The following GAN variants were observed in gnomAD, a reference collection of about 807,000 sequenced individuals.
The protein encoded by GAN is gigaxonin.
In GAN, 48 loss-of-function variants were observed where a neutral mutation model predicts 71.3. The observed-to-expected ratio is 0.67, with a 90% CI of 0.53 to 0.86. The LOEUF (loss-of-function observed/expected upper bound fraction) is 0.86. GAN is among the 40% of genes least tolerant of loss of function. The pLI is 0.00. For missense variants in GAN, 928 were observed against 770.1 expected (o/e 1.21, Z -2.43); for synonymous variants, 386 against 276.8 (o/e 1.39, Z -3.92).
In GAN at chr16:81,386,580, AT is replaced by A. The variant is rs1485340310; in HGVS notation, c.*8985del. 1 of 152,244 alleles carries A rather than the reference AT, an allele frequency of 6.6e-6. No homozygotes were observed. Among genetic ancestry groups the A allele is most frequent in the Non-Finnish European group, 1.5e-5 (1 of 68,046 alleles). The allele number at this position is 152,244 out of a possible 1,614,324, so 9.4% of individuals were successfully genotyped here. On this transcript the variant is annotated 3_prime_UTR_variant, in exon 11 of 11. Transcript: ENST00000648994. ...TTATGAGACTGGCAGAGGTAGGAGTATATAATGTGCTCAGCTTGTCTTGATT... is the reference window on the plus strand; with the variant it reads ...TTATGAGACTGGCAGAGGTAGGAGTAATAATGTGCTCAGCTTGTCTTGATT...
intron 1 of GAN, among the ~76,000 whole-genome samples, chr16:81,343,638 A>G (rs902161619): frequency 6.6e-6 from 1 of 152,236 alleles, no homozygotes; most frequent in African/African-American, 2.4e-5. Flanking sequence ...AGACCTATTT[A>G]CGACAAACCC....
chr16:81,354,665 G>T lies in GAN; in HGVS notation c.543G>T (p.Val181=), dbSNP rs1910426450. 1 of 1,613,436 alleles carries T rather than the reference G, an allele frequency of 6.2e-7. No homozygotes were observed. The highest frequency in any genetic ancestry group is 8.5e-7 in the Non-Finnish European group (1 of 1,179,468). ...LELSPQKLKE[V]ISLEKLNVGN... is the part of the protein sequence containing the mutation. ...TGAGTCCTCAAAAGCTTAAAGAAGT[G>T]ATTTCTCTTGAGAAGTTAAACGTTG... The change falls in exon 3 of 11, where the codon GTG becomes GTT. Residue 181 remains valine (V), a synonymous_variant. Transcript: ENST00000648994.
chr16:81,364,304 C>G (rs980416465), intron 7 of GAN, among the ~76,000 whole-genome samples: 3 of 152,212 alleles, frequency 2.0e-5, no homozygotes, highest in African/African-American at 7.2e-5. Flanking sequence ...GGGTCTTACT[C>G]TGTTGCCCAG....
At position 81,388,489 on chromosome 16, in the gene GAN, C is replaced by T. The variant is rs547712375; in HGVS notation, c.*10893C>T. ...TCTGAGGCACCGCCAAGGACACATCCCAGCGCCTTAGGCACCTGTAGGCTA... is the reference window on the plus strand; with the variant it reads ...TCTGAGGCACCGCCAAGGACACATCTCAGCGCCTTAGGCACCTGTAGGCTA... On this transcript the variant is annotated 3_prime_UTR_variant, in exon 11 of 11. Coordinates refer to ENST00000648994, the MANE Select transcript of GAN (RefSeq NM_022041.4). The T allele has an allele frequency of 6.6e-6, 1 of 152,458 alleles. No individual in the cohort carries two copies. The highest frequency in any genetic ancestry group is 1.9e-4 in the East Asian group (1 of 5,202). 9.4% of individuals were successfully genotyped at this position (152,458 alleles called of 1,614,324 possible).
At chr16:81,368,479 C>T (rs564815468) in intron 9 of GAN, among the ~76,000 whole-genome samples, 6 of 152,268 alleles carry the variant, frequency 3.9e-5, no homozygotes, top group South Asian at 2.1e-4. Flanking sequence ...TGGTAGTCCA[C>T]GCCTGTGGTC....
At chr16:81,348,218 T>A (rs1465030979) in intron 1 of GAN, among the ~76,000 whole-genome samples, 5 of 152,256 alleles carry the variant, frequency 3.3e-5, no homozygotes, top group South Asian at 4.1e-4. Flanking sequence ...ACCCTACATT[T>A]AAAAAAATTT....
At chr16:81,362,690 A>C in intron 6 of GAN, 79 bp downstream of exon 6, 1 of 854,028 alleles carries the variant, frequency 1.2e-6, no homozygotes. Flanking sequence ...GTCTGAGTTC[A>C]GGGAAGAAAC....
At chr16:81,334,994 TTA>T (rs1471530620) in intron 1 of GAN, among the ~76,000 whole-genome samples, 1 of 152,124 alleles carries the variant, frequency 6.6e-6, no homozygotes, top group East Asian at 1.9e-4. Flanking sequence ...CAAATGCGTC[TTA>T]TTAGATGGTG....
chr16:81,368,415 A>T (rs1335615922), intron 9 of GAN, among the ~76,000 whole-genome samples: 1 of 152,244 alleles, frequency 6.6e-6, no homozygotes, highest in East Asian at 1.9e-4. Context: ...CCTGAGTAAC[A>T]TAGTGAGACC....
intron 1 of GAN, among the ~76,000 whole-genome samples, chr16:81,339,768 C>G (rs1909880892): frequency 6.6e-6 from 1 of 152,042 alleles, no homozygotes; most frequent in African/African-American, 2.4e-5. Flanking sequence ...GAACAGCTGG[C>G]ATTACAACTG....
Position 81,363,846 on chromosome 16 carries a change from G to A in GAN, c.1139G>A (p.Gly380Glu). 1 of 1,612,652 alleles carries A rather than the reference G, an allele frequency of 6.2e-7. No individual in the cohort carries two copies. The highest frequency in any genetic ancestry group is 8.5e-7 in the Non-Finnish European group (1 of 1,178,650). ...VEIDGMLYIL[G>E]GEDGEKELIS... ...ATAGATGGGATGCTGTACATTTTGG[G>A]AGGAGAGGATGGTGAAAAGGAGCTG... is the stretch of plus-strand genomic sequence containing the variant. The change falls in exon 7 of 11, where the codon GGA becomes GAA. Residue 380 changes from glycine (G) to glutamate (E), a missense_variant. Transcript: ENST00000648994.
chr16:81,347,660 T>A (rs1366823194), intron 1 of GAN, among the ~76,000 whole-genome samples: 12 of 152,234 alleles, frequency 7.9e-5, no homozygotes, highest in Non-Finnish European at 1.5e-5. Context: ...ATAGTTTGGC[T>A]GGTTATAAAA....
At chr16:81,376,423 C>A (rs1041003238) in intron 9 of GAN, among the ~76,000 whole-genome samples, 3 of 150,354 alleles carry the variant, frequency 2.0e-5, no homozygotes, top group Admixed American at 6.6e-5. Flanking sequence ...AGCTCAAGAC[C>A]AGCCTGGGCA....
chr16:81,319,798 C>G (rs1909167413), intron 1 of GAN, among the ~76,000 whole-genome samples: 1 of 152,018 alleles, frequency 6.6e-6, no homozygotes, highest in Non-Finnish European at 1.5e-5. Flanking sequence ...TCATGAGCGA[C>G]TTTTCTGGGC....
rs894498083 is a variant in GAN, at chr16:81,383,020, C to T, written c.*5424C>T. ...TTAGAAACTGGGTTTTGCTCTGTTG[C>T]CCAGGCTGATCTTAAACTCCTGGCC... is the stretch of plus-strand genomic sequence containing the variant. On this transcript the variant is annotated 3_prime_UTR_variant, in exon 11 of 11. Transcript: ENST00000648994. 2.0e-5 allele frequency: 3 copies of T among 151,728 alleles called. No homozygotes were observed. Among genetic ancestry groups the T allele is most frequent in the Admixed American group, 6.6e-5 (1 of 15,212 alleles). The allele number at this position is 151,728 out of a possible 1,614,324, so 9.4% of individuals were successfully genotyped here.
At chr16:81,361,846 C>T (rs1180477555) in intron 5 of GAN, among the ~76,000 whole-genome samples, 1 of 152,118 alleles carries the variant, frequency 6.6e-6, no homozygotes, top group East Asian at 1.9e-4. Context: ...AGACAAATAC[C>T]ACAATGCCCG....
At chr16:81,376,641 T>G (rs1904281971) in intron 9 of GAN, among the ~76,000 whole-genome samples, 1 of 16,348 alleles carries the variant, frequency 6.1e-5, no homozygotes, top group African/African-American at 4.3e-4. Context: ...CATATATGTG[T>G]GTATATATGT....
At position 81,365,123 on chromosome 16, in the gene GAN, G is replaced by A. The variant is rs778600299; in HGVS notation, c.1373+13G>A. The A allele has an allele frequency of 3.7e-6, 6 of 1,612,798 alleles. No individual in the cohort carries two copies. Among genetic ancestry groups the A allele is most frequent in the Non-Finnish European group, 4.2e-6 (5 of 1,179,388 alleles). On this transcript the variant is annotated intron_variant, in intron 8 of 10. Coordinates refer to ENST00000648994, the MANE Select transcript of GAN (RefSeq NM_022041.4). ...TAAAAGAGAGGAGGTACGTGGCTGTGGGGTGGACTTTGTAGATTCCCTTGC... is the reference window on the plus strand; with the variant it reads ...TAAAAGAGAGGAGGTACGTGGCTGTAGGGTGGACTTTGTAGATTCCCTTGC...
chr16:81,390,082 G>A lies in GAN; in HGVS notation c.*12486G>A, dbSNP rs1229167614. ...ATATTCAGTGAAGATTGTATTGTGT[G>A]TGATATTATCCTATCTTTAATAAAG... On this transcript the variant is annotated 3_prime_UTR_variant, in exon 11 of 11. Transcript: ENST00000648994. 2 of 152,108 alleles carry A rather than the reference G, an allele frequency of 1.3e-5. No homozygotes were observed. Among genetic ancestry groups the A allele is most frequent in the Non-Finnish European group, 2.9e-5 (2 of 68,022 alleles). 9.4% of individuals were successfully genotyped at this position (152,108 alleles called of 1,614,324 possible). A position where few individuals can be genotyped will look rare whatever the true frequency, so the allele number is the denominator to read the frequency against.
Sources: gnomAD v4.1 joint callset for allele counts (sites outside exome capture counted in the v4.1 genomes callset) on GRCh38, gnomAD v4.1.1 for gene constraint, MANE v1.5 for transcripts, NCBI Gene and HGNC (gene_info 2026-07-23, HGNC 2026-07-21) for gene names.